Variants in DLGAP2 observed in about 807,000 individuals in gnomAD.
DLGAP2 encodes DLG associated protein 2, also known as disks large-associated protein 2.
Under a neutral mutation model 100.3 loss-of-function variants are expected in DLGAP2, and 26 were observed. The ratio of observed to expected loss-of-function variants is 0.26; its 90% CI spans 0.19 to 0.36. The LOEUF (loss-of-function observed/expected upper bound fraction) is 0.36, where lower values mean the gene tolerates loss of function less well. Among genes scored for constraint, DLGAP2 ranks in the 10% least tolerant of loss-of-function variants. The pLI is 1.00. For missense variants in DLGAP2, 1,858 were observed against 1,453.2 expected (o/e 1.28, Z -4.53); for synonymous variants, 886 against 630.1 (o/e 1.41, Z -6.08).
At chr8:1,374,399 A>G (rs1217018167) in intron 3 of DLGAP2, among the ~76,000 whole-genome samples, 1 of 152,038 alleles carries the variant, frequency 6.6e-6, no homozygotes, top group Non-Finnish European at 1.5e-5. Context: ...TGATTACAAG[A>G]CCAACTTTTG....
intron 3 of DLGAP2, among the ~76,000 whole-genome samples, chr8:1,439,540 C>T (rs1231984785): frequency 6.6e-6 from 1 of 152,182 alleles, no homozygotes; most frequent in Non-Finnish European, 1.5e-5. Flanking sequence ...GAGCTGAGAT[C>T]CTAACGTGGG....
chr8:1,410,324 G>T lies in DLGAP2; in HGVS notation c.107-91042G>T, dbSNP rs377181337. Among the ~76,000 whole-genome samples, 206 of 152,322 alleles carry T rather than the reference G, an allele frequency of 1.4e-3. 1 individual carries two copies. Among genetic ancestry groups the T allele is most frequent in the South Asian group, 0.01 (50 of 4,826 alleles). On this transcript the variant is annotated intron_variant, in intron 3 of 14. Transcript: ENST00000637795. ...AACATTCACGGGCATGGCTTCACGC[G>T]TGCGGCACCGTGGCCCAGGCAGCCT...
At chr8:780,278 A>T (rs538391393) in intron 1 of DLGAP2, among the ~76,000 whole-genome samples, 1 of 152,196 alleles carries the variant, frequency 6.6e-6, no homozygotes, top group African/African-American at 2.4e-5. Context: ...TTCACTCAGC[A>T]TAATGTCTTC....
At chr8:1,418,010 T>C (rs1198851447) in intron 3 of DLGAP2, among the ~76,000 whole-genome samples, 2 of 152,220 alleles carry the variant, frequency 1.3e-5, no homozygotes, top group Admixed American at 1.3e-4. Context: ...GAATGGGCTC[T>C]ACAGTCCCGT....
intron 7 of DLGAP2, among the ~76,000 whole-genome samples, chr8:1,631,723 C>G (rs1797652044): frequency 6.6e-6 from 1 of 152,218 alleles, no homozygotes; most frequent in Non-Finnish European, 1.5e-5. Context: ...CACCCCCTGC[C>G]TCTCCAGGGT....
At chr8:1,232,481 C>G (rs1283381833) in intron 2 of DLGAP2, among the ~76,000 whole-genome samples, 1 of 152,216 alleles carries the variant, frequency 6.6e-6, no homozygotes, top group African/African-American at 2.4e-5. Context: ...AGGATGCCTC[C>G]TCCGTCTCGA....
At chr8:1,641,937 ACCCCGCCGGTCCTC>A (rs1797915975) in intron 8 of DLGAP2, among the ~76,000 whole-genome samples, 1 of 110,878 alleles carries the variant, frequency 9.0e-6, no homozygotes. Context: ...GTCACCCTCG[ACCCCGCCGGTCCTC>A]ACCTGTGTCA....
chr8:1,117,691 A>G (rs1425038019), intron 2 of DLGAP2, among the ~76,000 whole-genome samples: 2 of 152,170 alleles, frequency 1.3e-5, no homozygotes, highest in Non-Finnish European at 2.9e-5. Flanking sequence ...AGGGGAGGGC[A>G]GTAGAGAGGA....
At chr8:1,452,493 T>TAGG (rs902973889) in intron 3 of DLGAP2, among the ~76,000 whole-genome samples, 2 of 152,176 alleles carry the variant, frequency 1.3e-5, no homozygotes, top group African/African-American at 2.4e-5. Flanking sequence ...TCAGGGCCGC[T>TAGG]AGGATGCCCG....
intron 1 of DLGAP2, among the ~76,000 whole-genome samples, chr8:773,326 CT>C (rs34973201): frequency 0.26 from 37,529 of 146,676 alleles, 5,400 homozygotes; most frequent in African/African-American, 0.4. Flanking sequence ...TTAATCACTT[CT>C]TTTTTTTTTT....
intron 2 of DLGAP2, among the ~76,000 whole-genome samples, chr8:959,413 C>T (rs1799670765): frequency 6.6e-6 from 1 of 152,214 alleles, no homozygotes; most frequent in Non-Finnish European, 1.5e-5. Flanking sequence ...AACGCCACTG[C>T]AGTCACGATT....
chr8:931,028 T>C (rs548781160), intron 2 of DLGAP2, among the ~76,000 whole-genome samples: 3 of 152,128 alleles, frequency 2.0e-5, no homozygotes, highest in East Asian at 3.9e-4. Flanking sequence ...AATCACAGAA[T>C]TGTCTTCGTC....
At chr8:1,511,747 A>G (rs1800171563) in intron 4 of DLGAP2, among the ~76,000 whole-genome samples, 1 of 152,088 alleles carries the variant, frequency 6.6e-6, no homozygotes, top group Non-Finnish European at 1.5e-5. Flanking sequence ...ATAGATGACC[A>G]TCTTCCATGG....
At chr8:1,576,278 G>C (rs981513875) in intron 6 of DLGAP2, among the ~76,000 whole-genome samples, 1 of 152,198 alleles carries the variant, frequency 6.6e-6, no homozygotes, top group Non-Finnish European at 1.5e-5. Flanking sequence ...TTTGAGAAGT[G>C]TCTGTTCATG....
chr8:1,370,507 T>A (rs1189889543), intron 3 of DLGAP2, among the ~76,000 whole-genome samples: 1 of 152,358 alleles, frequency 6.6e-6, no homozygotes, highest in East Asian at 1.9e-4. Context: ...GCATCTATAC[T>A]TAAGTAACAA....
At chr8:1,338,257 C>G (rs1801333689) in intron 3 of DLGAP2, among the ~76,000 whole-genome samples, 1 of 152,190 alleles carries the variant, frequency 6.6e-6, no homozygotes, top group South Asian at 2.1e-4. Flanking sequence ...CATTGCTTAG[C>G]CAGAAAATGG....
intron 2 of DLGAP2, among the ~76,000 whole-genome samples, chr8:920,451 A>T (rs1201930230): frequency 6.6e-6 from 1 of 152,240 alleles, no homozygotes; most frequent in African/African-American, 2.4e-5. Flanking sequence ...GCATAATAAC[A>T]ATAAGCAAAT....
intron 2 of DLGAP2, among the ~76,000 whole-genome samples, chr8:1,080,968 A>G (rs927960580): frequency 3.9e-5 from 6 of 152,212 alleles, no homozygotes; most frequent in African/African-American, 1.4e-4. Context: ...TTGATAGTTT[A>G]ACAATACAAA....
intron 13 of DLGAP2, among the ~76,000 whole-genome samples, chr8:1,694,362 CTAAGCTT>C (rs1306671194): frequency 6.6e-6 from 1 of 152,110 alleles, no homozygotes; most frequent in Non-Finnish European, 1.5e-5. Flanking sequence ...TGGTAGGTAA[CTAAGCTT>C]TAAGTCAAAG....
Sources: allele counts gnomAD v4.1 joint callset (sites outside exome capture counted in the v4.1 genomes callset), GRCh38; gene constraint gnomAD v4.1.1; transcripts MANE v1.5; gene names NCBI Gene and HGNC (gene_info 2026-07-23, HGNC 2026-07-21).